The following MTMR6 variants were observed in gnomAD, a reference collection of about 807,000 sequenced individuals.
MTMR6 encodes myotubularin related protein 6, also known as phosphatidylinositol-3,5-bisphosphate 3-phosphatase MTMR6.
Under a neutral mutation model 80.1 loss-of-function variants are expected in MTMR6, and 47 were observed. That is an observed-to-expected ratio of 0.59 (90% CI 0.46 to 0.75). The LOEUF (loss-of-function observed/expected upper bound fraction) is 0.75, where lower values mean the gene tolerates loss of function less well. Ranked by LOEUF, MTMR6 falls within the 30% of genes least tolerant of loss-of-function variation. The pLI is 0.00. For synonymous variants in MTMR6, 254 were observed against 253.0 expected, an observed-to-expected ratio of 1.00 and a Z score of -0.04; for missense variants, 629 against 730.9, an observed-to-expected ratio of 0.86 and a Z score of 1.61.
At chr13:25,260,322 C>A (rs779140845) in intron 6 of MTMR6, among the ~76,000 whole-genome samples, 1 of 152,146 alleles carries the variant, frequency 6.6e-6, no homozygotes, top group Middle Eastern at 3.4e-3. Flanking sequence ...GCATTCACCA[C>A]CATGCCCGGC....
At chr13:25,282,709 G>A (rs900563617) in intron 1 of MTMR6, among the ~76,000 whole-genome samples, 1 of 151,122 alleles carries the variant, frequency 6.6e-6, no homozygotes, top group African/African-American at 2.4e-5. Flanking sequence ...GGGTTCAAGT[G>A]ATTATCATGC....
At chr13:25,280,305 G>A (rs1957817572) in intron 1 of MTMR6, among the ~76,000 whole-genome samples, 1 of 152,146 alleles carries the variant, frequency 6.6e-6, no homozygotes, top group African/African-American at 2.4e-5. Context: ...CTGCTTCAAT[G>A]GGTAATCTCC....
At chr13:25,280,474 G>A (rs1292657175) in intron 1 of MTMR6, among the ~76,000 whole-genome samples, 1 of 152,124 alleles carries the variant, frequency 6.6e-6, no homozygotes, top group Non-Finnish European at 1.5e-5. Flanking sequence ...CTAAGGAGGG[G>A]AAATCAAATG....
rs572724019 is a variant in MTMR6, at chr13:25,251,272, C to T, written c.1605+377G>A. On this transcript the variant is annotated intron_variant, in intron 13 of 13. Coordinates refer to ENST00000381801, the MANE Select transcript of MTMR6 (RefSeq NM_004685.5). The surrounding 1 kb of genome is among the most constrained non-coding windows in gnomAD (Gnocchi z 4.1). ...TCCTGACCTGGTGATCCACCCGCCT[C>T]GGCCTCCCAAAGTGCTGGGATTACA... 1.3e-5 allele frequency among the ~76,000 whole-genome samples: 2 copies of T among 152,164 alleles called. No individual in the cohort carries two copies. Among genetic ancestry groups the T allele is most frequent in the South Asian group, 2.1e-4 (1 of 4,828 alleles).
At chr13:25,259,545 G>A (rs996043840) in intron 6 of MTMR6, among the ~76,000 whole-genome samples, 6 of 151,938 alleles carry the variant, frequency 3.9e-5, no homozygotes, top group Non-Finnish European at 1.5e-5. Context: ...CTAGTTATTC[G>A]GTACCTAAAG....
rs1957704896 is a variant in MTMR6, at chr13:25,275,720, G to C, written c.25-1533C>G. On this transcript the variant is annotated intron_variant, in intron 1 of 13. Transcript: ENST00000381801. ...ATCAAAAATACAAAAAATTAGCTAGGTGTAGTGGCGGGCGCCTATAATCCT... is the reference window on the plus strand; with the variant it reads ...ATCAAAAATACAAAAAATTAGCTAGCTGTAGTGGCGGGCGCCTATAATCCT... Among the ~76,000 whole-genome samples the C allele has an allele frequency of 2.0e-5, 3 of 151,562 alleles. No homozygotes were observed. In the South Asian group the frequency reaches 6.3e-4, roughly 32 times the overall value.
intron 9 of MTMR6, among the ~76,000 whole-genome samples, chr13:25,255,738 G>A (rs1246251872): frequency 6.6e-6 from 1 of 152,086 alleles, no homozygotes; most frequent in Non-Finnish European, 1.5e-5. Flanking sequence ...TGGCCAGGCT[G>A]GTCTCGAATT....
Position 25,257,305 on chromosome 13 carries a change from T to C in MTMR6, c.986A>G (p.Asn329Ser), listed in dbSNP as rs1957232768. 1 of 1,613,752 alleles carries C rather than the reference T, an allele frequency of 6.2e-7. No homozygotes were observed. Among genetic ancestry groups the C allele is most frequent in the South Asian group, 1.1e-5 (1 of 91,044 alleles). Reference sequence around the variant, plus strand: ...GGAACAATGCACCAACACACTTGCATTTTCAACTGTTATTGCCTGAAAAGA... The same window carrying C: ...GGAACAATGCACCAACACACTTGCACTTTCAACTGTTATTGCCTGAAAAGA... ...IFLAKAITVE[N>S]ASVLVHCSDG... is the part of the protein sequence containing the mutation. Residue 329 changes from asparagine (N) to serine (S), a missense_variant, in exon 9 of 14, where the codon AAT (asparagine) becomes AGT (serine). Physicochemically the swap from Asn to Ser is conservative, Grantham distance 46. Transcript: ENST00000381801.
At chr13:25,250,186 C>A (rs1389062650) in intron 13 of MTMR6, among the ~76,000 whole-genome samples, 1 of 152,130 alleles carries the variant, frequency 6.6e-6, no homozygotes, top group East Asian at 1.9e-4. Flanking sequence ...ACTGTTATAA[C>A]TGTCTAGGAT....
intron 1 of MTMR6, among the ~76,000 whole-genome samples, chr13:25,283,670 G>A (rs534576166): frequency 5.9e-5 from 9 of 152,262 alleles, no homozygotes; most frequent in Admixed American, 3.3e-4. Context: ...GATTACAAAC[G>A]CTAGCAATCA....
intron 1 of MTMR6, among the ~76,000 whole-genome samples, chr13:25,277,815 C>A (rs1198692895): frequency 6.6e-6 from 1 of 152,180 alleles, no homozygotes; most frequent in East Asian, 1.9e-4. Context: ...AATCACTCCT[C>A]TAGAACTGTA....
intron 1 of MTMR6, among the ~76,000 whole-genome samples, chr13:25,275,475 G>A (rs555817973): frequency 5.3e-5 from 8 of 152,162 alleles, no homozygotes; most frequent in African/African-American, 1.9e-4. Flanking sequence ...CCAGCAGGTT[G>A]CAGACAGTTT....
chr13:25,252,482 T>C (rs1008901835), intron 11 of MTMR6, among the ~76,000 whole-genome samples: 1 of 152,190 alleles, frequency 6.6e-6, no homozygotes, highest in African/African-American at 2.4e-5. Flanking sequence ...GCCAATTATT[T>C]TGCAAATCTA....
At chr13:25,277,464 C>T (rs539674069) in intron 1 of MTMR6, among the ~76,000 whole-genome samples, 6 of 152,262 alleles carry the variant, frequency 3.9e-5, no homozygotes, top group East Asian at 1.9e-4. Context: ...CTAAGATGAA[C>T]GGCCACAGAA....
intron 7 of MTMR6, among the ~76,000 whole-genome samples, chr13:25,258,052 C>G (rs895108569): frequency 6.6e-6 from 1 of 152,150 alleles, no homozygotes; most frequent in Non-Finnish European, 1.5e-5. Flanking sequence ...ATGCTCCAAT[C>G]TCTTAAAAAA....
At chr13:25,269,232 A>C (rs771964913) in intron 2 of MTMR6, among the ~76,000 whole-genome samples, 9 of 152,168 alleles carry the variant, frequency 5.9e-5, no homozygotes, top group Admixed American at 4.6e-4. Flanking sequence ...TCCTCAAATC[A>C]AAAAGCTTGC....
chr13:25,254,961 C>T (rs1957166580), intron 9 of MTMR6, among the ~76,000 whole-genome samples: 1 of 152,018 alleles, frequency 6.6e-6, no homozygotes, highest in Admixed American at 6.6e-5. Context: ...TGTTCAGATC[C>T]AAGTGTTAAC....
rs1410892584 is a variant in MTMR6 at position 25,249,031 on chromosome 13, T to C, written c.*201A>G. ...AAATACCACTCATTTCTTACAGAAC[T>C]GAATGTCATTCCTTGCTGGAAATGC... On this transcript the variant is annotated 3_prime_UTR_variant, in exon 14 of 14. Transcript: ENST00000381801. 2 of 589,076 alleles carry C rather than the reference T, an allele frequency of 3.4e-6. No individual in the cohort carries two copies. Among genetic ancestry groups the C allele is most frequent in the South Asian group, 4.8e-5 (2 of 41,254 alleles). The allele number at this position is 589,076 out of a possible 1,614,324, so 36.5% of individuals were successfully genotyped here. A position where few individuals can be genotyped will look rare whatever the true frequency, so the allele number is the denominator to read the frequency against.
intron 11 of MTMR6, among the ~76,000 whole-genome samples, 164 bp from the exon 12 acceptor site, chr13:25,252,148 A>G (rs1339984418): frequency 6.6e-6 from 1 of 152,084 alleles, no homozygotes; most frequent in Non-Finnish European, 1.5e-5. Flanking sequence ...TATTATCTCT[A>G]TTCTCCTTTT....
Sources: allele counts gnomAD v4.1 joint callset (sites outside exome capture counted in the v4.1 genomes callset), GRCh38; gene constraint gnomAD v4.1.1; non-coding constraint Gnocchi (gnomAD v3.1); transcripts MANE v1.5; gene names NCBI Gene and HGNC (gene_info 2026-07-23, HGNC 2026-07-21).